GMPR: variants seen among roughly 807,000 people sequenced by gnomAD.
The protein encoded by GMPR is GMP reductase 1.
A neutral mutation model predicts 38.4 loss-of-function variants in GMPR; 31 were observed. The observed-to-expected ratio is 0.81, with a 90% CI of 0.61 to 1.09. GMPR has a LOEUF of 1.09. Among genes scored for constraint, GMPR ranks in the 50% least tolerant of loss-of-function variants. GMPR has a pLI of 0.00. For synonymous variants in GMPR, 162 were observed against 173.3 expected, an observed-to-expected ratio of 0.93 and a Z score of 0.51; for missense variants, 468 against 453.7, an observed-to-expected ratio of 1.03 and a Z score of -0.29.
At chr6:16,265,940 C>T (rs546250133) in intron 4 of GMPR, among the ~76,000 whole-genome samples, 15 of 152,216 alleles carry the variant, frequency 9.9e-5, no homozygotes, top group East Asian at 1.9e-4. Flanking sequence ...AGTGAGACCA[C>T]GAAGCCACCC....
rs772410520 is a variant in GMPR, at chr6:16,250,297, C to T, written c.221C>T (p.Thr74Ile). Residue 74 changes from threonine to isoleucine, a missense_variant, in exon 3 of 9, where the codon ACA becomes ATA. Coordinates refer to ENST00000259727, the MANE Select transcript of GMPR (RefSeq NM_006877.4). ...AAVMSQHSMF[T>I]AIHKHYSLDD... ...TTTGTTTTCTAGCACTCCATGTTTA[C>T]AGCAATTCATAAGCATTACTCCCTG... 1.9e-6 allele frequency: 3 copies of T among 1,602,272 alleles called. No homozygotes were observed. Among genetic ancestry groups the T allele is most frequent in the Non-Finnish European group, 2.6e-6 (3 of 1,169,160 alleles).
chr6:16,266,518 C>T (rs1420199777), intron 4 of GMPR, among the ~76,000 whole-genome samples: 2 of 150,400 alleles, frequency 1.3e-5, no homozygotes, highest in Non-Finnish European at 3.0e-5. Flanking sequence ...AGAGCTGTAA[C>T]ACGGCTGGGC....
intron 7 of GMPR, among the ~76,000 whole-genome samples, chr6:16,288,369 G>A (rs1759739212): frequency 6.6e-6 from 1 of 152,220 alleles, no homozygotes; most frequent in Non-Finnish European, 1.5e-5. Context: ...GGCCCTGCCG[G>A]CCTCAGGCAA....
At chr6:16,246,534 A>G (rs1581645680) in intron 1 of GMPR, among the ~76,000 whole-genome samples, 1 of 152,112 alleles carries the variant, frequency 6.6e-6, no homozygotes. Flanking sequence ...CAGGAGGGGA[A>G]TGGTTTCTAT....
At chr6:16,282,803 AT>A (rs1194078318) in intron 6 of GMPR, among the ~76,000 whole-genome samples, 16 of 141,360 alleles carry the variant, frequency 1.1e-4, no homozygotes, top group East Asian at 4.1e-4. Flanking sequence ...GTGAGCAAGT[AT>A]TTTTTTTTTC....
At chr6:16,272,818 GT>G (rs1370912949) in intron 4 of GMPR, among the ~76,000 whole-genome samples, 1 of 151,786 alleles carries the variant, frequency 6.6e-6, no homozygotes, top group Non-Finnish European at 1.5e-5. Context: ...GTGTATGTCA[GT>G]TTTTTTTCTT....
intron 4 of GMPR, among the ~76,000 whole-genome samples, chr6:16,267,310 T>C (rs1253417392): frequency 1.3e-5 from 2 of 152,012 alleles, no homozygotes; most frequent in Non-Finnish European, 2.9e-5. Context: ...AGGTGGAGCT[T>C]GCAGTGAGCC....
intron 8 of GMPR, among the ~76,000 whole-genome samples, chr6:16,293,422 C>T (rs73724825): frequency 0.023 from 3,573 of 152,306 alleles, 70 homozygotes; most frequent in South Asian, 0.044. Context: ...CAATGACTGG[C>T]TTCCTGAGCT....
At chr6:16,243,554 G>A (rs1400179761) in intron 1 of GMPR, among the ~76,000 whole-genome samples, 4 of 152,232 alleles carry the variant, frequency 2.6e-5, no homozygotes, top group Non-Finnish European at 4.4e-5. Flanking sequence ...GGACTACAAA[G>A]TTGGAAGACG....
At chr6:16,286,913 T>C (rs1759693313) in intron 7 of GMPR, among the ~76,000 whole-genome samples, 1 of 151,784 alleles carries the variant, frequency 6.6e-6, no homozygotes, top group Non-Finnish European at 1.5e-5. Context: ...CAAAAAAATA[T>C]AAAAAATAAA....
chr6:16,268,017 T>A (rs529855681), intron 4 of GMPR, among the ~76,000 whole-genome samples: 50 of 152,262 alleles, frequency 3.3e-4, no homozygotes, highest in South Asian at 6.2e-4. Context: ...GGCGGACACA[T>A]TGAATGTTCC....
intron 4 of GMPR, among the ~76,000 whole-genome samples, chr6:16,258,770 T>C (rs748228492): frequency 2.6e-5 from 4 of 152,270 alleles, no homozygotes; most frequent in Non-Finnish European, 5.9e-5. Context: ...TAATTTCTTA[T>C]GGCTTTTGGA....
chr6:16,266,006 C>T (rs1346700795), intron 4 of GMPR, among the ~76,000 whole-genome samples: 6 of 151,238 alleles, frequency 4.0e-5, no homozygotes, highest in East Asian at 2.0e-4. Context: ...TAACACTCAC[C>T]GTGAAGGTCT....
chr6:16,240,418 C>G (rs1179885264), intron 1 of GMPR, among the ~76,000 whole-genome samples: 1 of 152,190 alleles, frequency 6.6e-6, no homozygotes, highest in Non-Finnish European at 1.5e-5. Context: ...CCTCTAGTCC[C>G]AGCTATTTGG....
intron 1 of GMPR, among the ~76,000 whole-genome samples, chr6:16,243,418 G>C (rs1758690857): frequency 6.6e-6 from 1 of 152,156 alleles, no homozygotes. Context: ...GAGGCTTTCA[G>C]GGCTTGGATC....
At chr6:16,279,531 T>C (rs1218450491) in intron 6 of GMPR, among the ~76,000 whole-genome samples, 1 of 152,238 alleles carries the variant, frequency 6.6e-6, no homozygotes, top group Non-Finnish European at 1.5e-5. Context: ...ACATGCGAGT[T>C]TTTGGGGGGA....
chr6:16,288,576 A>C (rs1006889331), intron 7 of GMPR, among the ~76,000 whole-genome samples: 8 of 152,030 alleles, frequency 5.3e-5, no homozygotes, highest in Admixed American at 5.2e-4. Flanking sequence ...GAGCCTCCCT[A>C]ATGAGCGCCG....
At chr6:16,288,515 G>A (rs927697239) in intron 7 of GMPR, among the ~76,000 whole-genome samples, 10 of 152,198 alleles carry the variant, frequency 6.6e-5, no homozygotes, top group Admixed American at 2.0e-4. Flanking sequence ...GGGACCTGCC[G>A]CCCGCCATGG....
In GMPR at chr6:16,260,491, C is replaced by T. The variant is rs941351797; in HGVS notation, c.465+5756C>T. ...TTTAGTTATCTGACTCGGGGCATGT[C>T]GAGTAAAGCTAATTTGCCAGTCCTG... On this transcript the variant is annotated intron_variant, in intron 4 of 8. Coordinates refer to ENST00000259727, the MANE Select transcript of GMPR (RefSeq NM_006877.4). Among the ~76,000 whole-genome samples, 4 of 151,816 alleles carry T rather than the reference C, an allele frequency of 2.6e-5. No individual in the cohort carries two copies. The South Asian group carries it at 6.2e-4, about 24-fold the overall frequency.
Sources: allele counts gnomAD v4.1 joint callset (sites outside exome capture counted in the v4.1 genomes callset), GRCh38; gene constraint gnomAD v4.1.1; transcripts MANE v1.5; gene names NCBI Gene and HGNC (gene_info 2026-07-23, HGNC 2026-07-21).